PTPRF: variants seen among roughly 807,000 people sequenced by gnomAD.
PTPRF encodes the protein protein tyrosine phosphatase receptor type F, also known as receptor-type tyrosine-protein phosphatase F.
PTPRF carries 59 observed loss-of-function variants against 201.8 expected under a neutral mutation model. The observed-to-expected ratio is 0.29, with a 90% CI of 0.24 to 0.36. The LOEUF is 0.36. PTPRF is among the 10% of genes least tolerant of loss of function. The probability of loss-of-function intolerance (pLI) is 1.00; values close to 1 mark genes in which losing one functional copy is unlikely to be tolerated. For synonymous variants in PTPRF, 1,088 were observed against 1,089.7 expected (o/e 1.00, Z 0.03); for missense variants, 2,132 against 2,690.5 (o/e 0.79, Z 4.59).
At chr1:43,576,801 C>T (rs2153995049) in intron 6 of PTPRF, among the ~76,000 whole-genome samples, 1 of 152,344 alleles carries the variant, frequency 6.6e-6, no homozygotes, top group South Asian at 2.1e-4. Context: ...ACATCATTTT[C>T]TCTCCAGTTC....
intron 7 of PTPRF, among the ~76,000 whole-genome samples, chr1:43,586,921 G>A (rs989855588): frequency 6.6e-6 from 1 of 152,224 alleles, no homozygotes; most frequent in African/African-American, 2.4e-5. Context: ...TATGAAGAAT[G>A]CAGGTAGAAG....
chr1:43,581,371 C>T (rs1416643737), intron 7 of PTPRF, among the ~76,000 whole-genome samples: 5 of 152,232 alleles, frequency 3.3e-5, no homozygotes, highest in South Asian at 2.1e-4. Context: ...ACACATACGA[C>T]GTTCCTCTAG....
At chr1:43,524,656 G>C (rs1403000603), upstream of PTPRF, among the ~76,000 whole-genome samples, 1 of 152,112 alleles carries the variant, frequency 6.6e-6, no homozygotes, top group Non-Finnish European at 1.5e-5. Context: ...GGAGTGGGTA[G>C]GGAATCTAGG....
chr1:43,611,155 C>T lies in PTPRF; in HGVS notation c.3973+1657C>T, dbSNP rs116590296. 4.9e-3 allele frequency among the ~76,000 whole-genome samples: 747 copies of T among 152,340 alleles called. 11 individuals carry two copies. Among genetic ancestry groups the T allele is most frequent in the African/African-American group, 0.017 (726 of 41,578 alleles). On this transcript the variant is annotated intron_variant, in intron 22 of 33. Transcript: ENST00000359947. ...CCCAACATGAGGCTTCTTCAGGTGG[C>T]CTGGGCTTCCTCACAACATGGTGAC...
chr1:43,591,844 G>A lies in PTPRF; in HGVS notation c.1564G>A (p.Val522Met), dbSNP rs761933943. 8.1e-6 allele frequency: 13 copies of A among 1,613,338 alleles called. No individual in the cohort carries two copies. In the African/African-American group the frequency reaches 9.3e-5, roughly 12 times the overall value. The change falls in exon 10 of 34, where the codon GTG becomes ATG. Residue 522 changes from valine to methionine, a missense_variant. Val to Met is a conservative substitution (Grantham distance 21). This residue lies in a region of PTPRF where 351 missense variants were observed against 401.7 expected (regional missense o/e 0.87). Transcript: ENST00000359947. ...CCAGCCCGCGGACTTCCAGGCCGAGGTGGAGTCGGACACCAGGATCCAGCT... is the reference window on the plus strand; with the variant it reads ...CCAGCCCGCGGACTTCCAGGCCGAGATGGAGTCGGACACCAGGATCCAGCT... ...PAQPADFQAE[V>M]ESDTRIQLSW...
At position 43,592,494 on chromosome 1, in the gene PTPRF, T is replaced by A. The variant is rs1393907999; in HGVS notation, c.1706T>A (p.Leu569Gln). ...VTFDPTSSYTLEDLKPDTLYR... is the reference protein window; with the variant it reads ...VTFDPTSSYTQEDLKPDTLYR... ...TTCGACCCAACCTCCTCCTACACAC[T>A]AGAGGACCTGAAGCCTGACACACTC... is the stretch of plus-strand genomic sequence containing the variant. Residue 569 changes from leucine to glutamine, a missense_variant, in exon 11 of 34, where the codon CTA becomes CAA. This residue lies in a region of PTPRF where 351 missense variants were observed against 401.7 expected (regional missense o/e 0.87). Coordinates refer to ENST00000359947, the MANE Select transcript of PTPRF (RefSeq NM_002840.5). The A allele has an allele frequency of 6.2e-7, 1 of 1,612,756 alleles. No individual in the cohort carries two copies. The highest frequency in any genetic ancestry group is 1.1e-5 in the South Asian group (1 of 90,944).
At chr1:43,601,881 G>T (rs1286433545) in intron 13 of PTPRF, among the ~76,000 whole-genome samples, 190 bp from the exon 14 acceptor site, 2 of 152,170 alleles carry the variant, frequency 1.3e-5, no homozygotes, top group Non-Finnish European at 2.9e-5. Context: ...ACACCCAGTT[G>T]GTGCTCAGTG....
At chr1:43,601,223 A>C (rs1224358414) in intron 13 of PTPRF, among the ~76,000 whole-genome samples, 1 of 152,168 alleles carries the variant, frequency 6.6e-6, no homozygotes, top group East Asian at 1.9e-4. Context: ...GACATCCTGG[A>C]CCATCTCCCT....
Position 43,588,382 on chromosome 1 carries a change from C to G in PTPRF, c.680-349C>G, listed in dbSNP as rs574924562. Reference sequence around the variant, plus strand: ...CCTGGAGAACACCCTGGGTTGTGGTCCTGACCAGGCCTGGACCTTGTACTG... The same window carrying G: ...CCTGGAGAACACCCTGGGTTGTGGTGCTGACCAGGCCTGGACCTTGTACTG... On this transcript the variant is annotated intron_variant, in intron 7 of 33. Transcript: ENST00000359947. The surrounding 1 kb of genome is among the most constrained non-coding windows in gnomAD (Gnocchi z 5.3). 1.3e-5 allele frequency among the ~76,000 whole-genome samples: 2 copies of G among 152,282 alleles called. No individual in the cohort carries two copies. The highest frequency in any genetic ancestry group is 1.3e-4 in the Admixed American group (2 of 15,304).
chr1:43,609,225 T>A (rs1349999431), intron 21 of PTPRF, among the ~76,000 whole-genome samples, 158 bp from the exon 22 acceptor site: 1 of 152,174 alleles, frequency 6.6e-6, no homozygotes, highest in Non-Finnish European at 1.5e-5. Context: ...AAGGCTGTTC[T>A]GGCCCTGGCT....
intron 6 of PTPRF, chr1:43,575,946 C>A (rs775699237): frequency 7.3e-7 from 1 of 1,364,762 alleles, no homozygotes; most frequent in Admixed American, 1.9e-5. Context: ...GCTGTCCGTG[C>A]CTCTCGCCAC....
At chr1:43,545,870 C>T (rs1644635611) in intron 3 of PTPRF, among the ~76,000 whole-genome samples, 1 of 152,184 alleles carries the variant, frequency 6.6e-6, no homozygotes, top group Admixed American at 6.5e-5. Context: ...TGGTCCCTTT[C>T]CTGCTGCCCT....
chr1:43,582,089 C>T (rs1334809686), intron 7 of PTPRF, among the ~76,000 whole-genome samples: 1 of 152,246 alleles, frequency 6.6e-6, no homozygotes, highest in Non-Finnish European at 1.5e-5. Flanking sequence ...TTCGTCTCCT[C>T]ATCAGACTTG....
intron 1 of PTPRF, among the ~76,000 whole-genome samples, chr1:43,536,986 G>A (rs372088448): frequency 3.9e-5 from 6 of 152,178 alleles, no homozygotes; most frequent in African/African-American, 1.4e-4. Flanking sequence ...GGCCGGTGAG[G>A]ACATTCCCAC....
intron 6 of PTPRF, 24 bp downstream of exon 6, chr1:43,569,802 G>A: frequency 6.3e-7 from 1 of 1,584,342 alleles, no homozygotes; most frequent in Non-Finnish European, 8.6e-7. Flanking sequence ...AGGGGTCAAG[G>A]GGCCATGCAG....
At position 43,546,956 on chromosome 1, in the gene PTPRF, T is replaced by C. The variant is rs1476476473; in HGVS notation, c.91+1790T>C. Among the ~76,000 whole-genome samples the C allele has an allele frequency of 1.3e-5, 2 of 152,196 alleles. No individual in the cohort carries two copies. Among genetic ancestry groups the C allele is most frequent in the African/African-American group, 2.4e-5 (1 of 41,428 alleles). On this transcript the variant is annotated intron_variant, in intron 3 of 33. Coordinates refer to ENST00000359947, the MANE Select transcript of PTPRF (RefSeq NM_002840.5). The surrounding 1 kb of genome is among the most constrained non-coding windows in gnomAD (Gnocchi z 4.2). ...CAAGCCACCCTCGGCTCTTGGGCTT[T>C]TGCACGCAACAGCCTCCTGACGGTT...
intron 1 of PTPRF, among the ~76,000 whole-genome samples, chr1:43,531,598 G>T (rs1328489387): frequency 2.7e-5 from 4 of 149,080 alleles, no homozygotes; most frequent in Non-Finnish European, 6.0e-5. Flanking sequence ...ATCCGCAGCC[G>T]GCGCGCCCGG....
intron 6 of PTPRF, among the ~76,000 whole-genome samples, chr1:43,576,687 G>T (rs1646952177): frequency 6.6e-6 from 1 of 152,210 alleles, no homozygotes. Flanking sequence ...TCTTTAAATT[G>T]GGTCACGGCC....
At chr1:43,616,670 C>T (rs967297648) in intron 23 of PTPRF, among the ~76,000 whole-genome samples, 1 of 152,070 alleles carries the variant, frequency 6.6e-6, no homozygotes, top group South Asian at 2.1e-4. Flanking sequence ...GTAGTCCCAG[C>T]AGCAGCGCCA....
Sources: gnomAD v4.1 joint callset for allele counts (sites outside exome capture counted in the v4.1 genomes callset) on GRCh38, gnomAD v4.1.1 for gene constraint, gnomAD v4.1.1 regional missense constraint, Gnocchi (gnomAD v3.1) non-coding constraint, MANE v1.5 for transcripts, NCBI Gene and HGNC (gene_info 2026-07-23, HGNC 2026-07-21) for gene names.